The following VPS13B variants were observed in gnomAD, a reference collection of about 807,000 sequenced individuals.
The protein encoded by VPS13B is vacuolar protein sorting 13 homolog B.
A neutral mutation model predicts 426.4 loss-of-function variants in VPS13B; 285 were observed. That is an observed-to-expected ratio of 0.67 (90% CI 0.61 to 0.74). VPS13B has a LOEUF of 0.74. Ranked by LOEUF, VPS13B falls within the 30% of genes least tolerant of loss-of-function variation. VPS13B has a pLI of 0.00. For synonymous variants in VPS13B, 1,676 were observed against 1,676.4 expected, an observed-to-expected ratio of 1.00 and a Z score of 0.01; for missense variants, 4,537 against 4,782.6, an observed-to-expected ratio of 0.95 and a Z score of 1.51.
intron 39 of VPS13B, among the ~76,000 whole-genome samples, chr8:99,726,961 T>C (rs943699835): frequency 6.6e-6 from 1 of 152,228 alleles, no homozygotes; most frequent in Admixed American, 6.5e-5. Flanking sequence ...TTTGCTCCAG[T>C]GGGCATTTCT....
chr8:99,420,309 G>A lies in VPS13B; in HGVS notation c.3083-11228G>A, dbSNP rs562360202. 5.7e-4 allele frequency among the ~76,000 whole-genome samples: 86 copies of A among 152,110 alleles called. 1 individual carries two copies. Among genetic ancestry groups the A allele is most frequent in the Middle Eastern group, 3.4e-3 (1 of 294 alleles). ...TATTTGGTGCCATTGGCTTATACAT[G>A]TTACTAGATATTTAGAGTTACCATT... On this transcript the variant is annotated intron_variant, in intron 21 of 61. Coordinates refer to ENST00000357162, the MANE Select transcript of VPS13B (RefSeq NM_152564.5).
chr8:99,166,786 G>A (rs1357021335), intron 15 of VPS13B, among the ~76,000 whole-genome samples: 1 of 152,034 alleles, frequency 6.6e-6, no homozygotes, highest in African/African-American at 2.4e-5. Context: ...AAAGCTGAAG[G>A]ACTTACTCTT....
At chr8:99,853,080 C>G (rs1816374830) in intron 55 of VPS13B, among the ~76,000 whole-genome samples, 1 of 152,136 alleles carries the variant, frequency 6.6e-6, no homozygotes, top group African/African-American at 2.4e-5. Context: ...TTCTTCTGCT[C>G]ACATCACTTT....
At chr8:99,102,875 A>T in intron 4 of VPS13B, 78 bp from the exon 5 acceptor site, 1 of 1,339,882 alleles carries the variant, frequency 7.5e-7, no homozygotes. Flanking sequence ...CTCATACATT[A>T]AGTTCAATAA....
At chr8:99,458,763 GTTGT>G (rs1445814432) in intron 23 of VPS13B, among the ~76,000 whole-genome samples, 5 of 152,262 alleles carry the variant, frequency 3.3e-5, no homozygotes, top group Admixed American at 6.5e-5. Flanking sequence ...TTTTGATGGG[GTTGT>G]TTGTTTTTTT....
intron 17 of VPS13B, among the ~76,000 whole-genome samples, chr8:99,218,848 A>G (rs1815527380): frequency 6.6e-6 from 1 of 152,204 alleles, no homozygotes; most frequent in African/African-American, 2.4e-5. Flanking sequence ...TGGTGGTCAC[A>G]AGTCTGCCAT....
chr8:99,086,756 A>C (rs1290715502), intron 3 of VPS13B, among the ~76,000 whole-genome samples: 1 of 152,184 alleles, frequency 6.6e-6, no homozygotes, highest in Admixed American at 6.5e-5. Context: ...TCAGCAGCGG[A>C]GGCTGCAGAA....
chr8:99,237,606 G>A (rs189812942), intron 17 of VPS13B, among the ~76,000 whole-genome samples: 1 of 152,186 alleles, frequency 6.6e-6, no homozygotes, highest in Non-Finnish European at 1.5e-5. Flanking sequence ...AATGTTTTTG[G>A]ATAATAGGCT....
chr8:99,352,220 A>T (rs1416650598), intron 19 of VPS13B, among the ~76,000 whole-genome samples: 2 of 152,208 alleles, frequency 1.3e-5, no homozygotes, highest in African/African-American at 4.8e-5. Context: ...TACCAGTAAT[A>T]GGCAGTCCTC....
chr8:99,142,851 C>A, intron 12 of VPS13B, 123 bp from the exon 13 acceptor site: 1 of 932,246 alleles, frequency 1.1e-6, no homozygotes, highest in Non-Finnish European at 1.6e-6. Context: ...CTGTATGCAG[C>A]TGATTGGGAA....
chr8:99,152,175 T>A (rs1811112630), intron 14 of VPS13B, among the ~76,000 whole-genome samples: 1 of 152,226 alleles, frequency 6.6e-6, no homozygotes, highest in Non-Finnish European at 1.5e-5. Flanking sequence ...AGCATTGCTT[T>A]CACTGCATGC....
At chr8:99,376,738 T>G (rs1813508513) in intron 19 of VPS13B, among the ~76,000 whole-genome samples, 1 of 152,228 alleles carries the variant, frequency 6.6e-6, no homozygotes, top group South Asian at 2.1e-4. Flanking sequence ...CTGTAATTTC[T>G]TAACATACTT....
At chr8:99,795,893 C>T (rs1031357314) in intron 43 of VPS13B, among the ~76,000 whole-genome samples, 4 of 152,170 alleles carry the variant, frequency 2.6e-5, no homozygotes, top group Non-Finnish European at 5.9e-5. Flanking sequence ...AGAAGTCATT[C>T]ATTGTTTTAT....
In VPS13B at chr8:99,720,876, G is replaced by T. The variant is rs753494412; in HGVS notation, c.6879G>T (p.Leu2293Phe). The change falls in exon 39 of 62, where the codon TTG becomes TTT. Residue 2293 changes from leucine to phenylalanine, a missense_variant. Coordinates refer to ENST00000357162, the MANE Select transcript of VPS13B (RefSeq NM_152564.5). ...QYVQDAESLK[L>F]PGVYEVLFYN... ...TTTATTTGACAGAATCTTTGAAATT[G>T]CCTGGGGTCTATGAAGTCTTATTTT... is the stretch of plus-strand genomic sequence containing the variant. 3 of 1,613,284 alleles carry T rather than the reference G, an allele frequency of 1.9e-6. No homozygotes were observed. Among genetic ancestry groups the T allele is most frequent in the South Asian group, 1.1e-5 (1 of 91,026 alleles).
intron 4 of VPS13B, among the ~76,000 whole-genome samples, chr8:99,099,466 G>T (rs927672651): frequency 2.0e-5 from 3 of 152,162 alleles, no homozygotes; most frequent in African/African-American, 7.2e-5. Context: ...ATTGCAGATG[G>T]TGTCTCTTTG....
intron 19 of VPS13B, among the ~76,000 whole-genome samples, chr8:99,371,974 TAAA>T (rs1813203878): frequency 6.6e-6 from 1 of 152,058 alleles, no homozygotes; most frequent in South Asian, 2.1e-4. Flanking sequence ...ACTTCATGAC[TAAA>T]ACACCAAAAG....
chr8:99,275,385 C>CT, intron 19 of VPS13B, 131 bp downstream of exon 19: 1 of 800,164 alleles, frequency 1.2e-6, no homozygotes, highest in East Asian at 3.0e-5. Flanking sequence ...TGCAGTTGTG[C>CT]TTTTTCAAAA....
intron 17 of VPS13B, among the ~76,000 whole-genome samples, chr8:99,215,355 TTTAAG>T (rs1320379430): frequency 6.6e-6 from 1 of 152,204 alleles, no homozygotes; most frequent in Non-Finnish European, 1.5e-5. Flanking sequence ...AATACTGTGA[TTTAAG>T]TTATGTGTGA....
At chr8:99,435,078 T>C (rs981564853) in intron 22 of VPS13B, among the ~76,000 whole-genome samples, 1 of 152,074 alleles carries the variant, frequency 6.6e-6, no homozygotes, top group African/African-American at 2.4e-5. Flanking sequence ...AGAAGAGAAA[T>C]GGGAATGTCA....
Sources: gnomAD v4.1 joint callset for allele counts (sites outside exome capture counted in the v4.1 genomes callset) on GRCh38, gnomAD v4.1.1 for gene constraint, MANE v1.5 for transcripts, NCBI Gene and HGNC (gene_info 2026-07-23, HGNC 2026-07-21) for gene names.